NPHP4: variants seen among roughly 807,000 people sequenced by gnomAD.
The protein encoded by NPHP4 is nephrocystin 4.
Under a neutral mutation model 155.8 loss-of-function variants are expected in NPHP4, and 151 were observed. That is an observed-to-expected ratio of 0.97 (90% CI 0.85 to 1.11). NPHP4 has a LOEUF of 1.11. Among genes scored for constraint, NPHP4 ranks in the 50% least tolerant of loss-of-function variants. The pLI, the probability that NPHP4 is intolerant of heterozygous loss-of-function variation, is 0.00. For synonymous variants in NPHP4, 845 were observed against 816.8 expected (o/e 1.03, Z -0.59); for missense variants, 1,956 against 1,925.7 (o/e 1.02, Z -0.29).
rs771572927 is a variant in NPHP4 at position 5,890,950 on chromosome 1, T to C, written c.2222A>G (p.Tyr741Cys). 1.2e-6 allele frequency: 2 copies of C among 1,605,652 alleles called. No individual in the cohort carries two copies. The highest frequency in any genetic ancestry group is 1.3e-5 in the African/African-American group (1 of 74,808). Reference sequence around the variant, plus strand: ...AATCTGCAGGGTCTGCACGGCCAGGTAGCGGGCAAAGCAGCGCCGCTCACC... The same window carrying C: ...AATCTGCAGGGTCTGCACGGCCAGGCAGCGGGCAAAGCAGCGCCGCTCACC... ...KPGERRCFAR[Y>C]LAVQTLQIDV... The change falls in exon 17 of 30, where the codon TAC becomes TGC. Residue 741 changes from tyrosine to cysteine, a missense_variant. Transcript: ENST00000378156. The surrounding 1 kb of genome is among the most constrained non-coding windows in gnomAD (Gnocchi z 4.9).
chr1:5,906,686 G>A (rs1179319767), intron 13 of NPHP4, among the ~76,000 whole-genome samples: 1 of 152,254 alleles, frequency 6.6e-6, no homozygotes, highest in African/African-American at 2.4e-5. Context: ...GCCAGTCTTA[G>A]CCAGGAGCAC....
At chr1:5,979,053 C>T (rs1433871328) in intron 2 of NPHP4, among the ~76,000 whole-genome samples, 1 of 148,250 alleles carries the variant, frequency 6.7e-6, no homozygotes, top group African/African-American at 2.6e-5. Flanking sequence ...CTGCCCAGAG[C>T]GGCAGCCAGA....
At chr1:5,942,587 C>A (rs952122065) in intron 9 of NPHP4, among the ~76,000 whole-genome samples, 374 of 82,214 alleles carry the variant, frequency 4.5e-3, no homozygotes, top group Middle Eastern at 0.023. Context: ...TCATAAATGA[C>A]AAAAAAAAAA....
intron 9 of NPHP4, among the ~76,000 whole-genome samples, chr1:5,942,549 AAAG>A (rs1183334720): frequency 2.0e-5 from 3 of 148,130 alleles, no homozygotes; most frequent in African/African-American, 7.5e-5. Flanking sequence ...AAAAAAAAAA[AAAG>A]GAGACTAAAA....
In NPHP4 at chr1:5,944,630, A is replaced by C. The variant is rs1210679026; in HGVS notation, c.1119+2474T>G. Among the ~76,000 whole-genome samples, 1 of 152,216 alleles carries C rather than the reference A, an allele frequency of 6.6e-6. No homozygotes were observed. Among genetic ancestry groups the C allele is most frequent in the East Asian group, 1.9e-4 (1 of 5,198 alleles). On this transcript the variant is annotated intron_variant, in intron 9 of 29. Coordinates refer to ENST00000378156, the MANE Select transcript of NPHP4 (RefSeq NM_015102.5). The surrounding 1 kb of genome is among the most constrained non-coding windows in gnomAD (Gnocchi z 4.3). The stretch of plus-strand genomic sequence containing the variant: ...AGGAAAGCGCACTTGATGACAGTAA[A>C]GTGGAATCCAGTATTCCCAGTTACA...
intron 7 of NPHP4, among the ~76,000 whole-genome samples, chr1:5,949,635 C>A (rs928510896): frequency 2.0e-5 from 3 of 151,878 alleles, no homozygotes; most frequent in Non-Finnish European, 4.4e-5. Context: ...GGGAACAGCA[C>A]CCCCGCAGGA....
intron 2 of NPHP4, among the ~76,000 whole-genome samples, chr1:5,978,977 T>C (rs1654190368): frequency 6.6e-6 from 1 of 152,128 alleles, no homozygotes; most frequent in Admixed American, 6.5e-5. Context: ...AAGCAGATCT[T>C]TGAGAATTGA....
intron 4 of NPHP4, among the ~76,000 whole-genome samples, chr1:5,968,080 C>T (rs950200757): frequency 6.6e-6 from 1 of 151,952 alleles, no homozygotes; most frequent in Non-Finnish European, 1.5e-5. Flanking sequence ...GTGAAAAACA[C>T]ATCGCTCAAT....
At chr1:5,878,673 G>A (rs750028483) in intron 19 of NPHP4, among the ~76,000 whole-genome samples, 11 of 152,228 alleles carry the variant, frequency 7.2e-5, no homozygotes, top group Non-Finnish European at 8.8e-5. Flanking sequence ...GAGCAAAACA[G>A]GGTCTGGAGG....
At chr1:5,966,085 C>T (rs971413427) in intron 5 of NPHP4, among the ~76,000 whole-genome samples, 13 of 152,250 alleles carry the variant, frequency 8.5e-5, no homozygotes, top group East Asian at 3.9e-4. Context: ...CTGGAGGCTA[C>T]ACTTCCCAGC....
chr1:5,914,267 A>G (rs1057137951), intron 11 of NPHP4, among the ~76,000 whole-genome samples: 1 of 134,614 alleles, frequency 7.4e-6, no homozygotes, highest in African/African-American at 3.2e-5. Flanking sequence ...CAAAAAAAAA[A>G]AAAAAAAAAA....
At chr1:5,963,635 T>C (rs923412803) in intron 5 of NPHP4, among the ~76,000 whole-genome samples, 4 of 151,572 alleles carry the variant, frequency 2.6e-5, no homozygotes, top group South Asian at 2.1e-4. Context: ...TTCACGCACA[T>C]GCTCAGGGGA....
intron 7 of NPHP4, among the ~76,000 whole-genome samples, 154 bp downstream of exon 7, chr1:5,952,546 C>T (rs143687633): frequency 2.0e-5 from 3 of 151,022 alleles, no homozygotes; most frequent in Non-Finnish European, 3.0e-5. Flanking sequence ...GCATCAGATG[C>T]GGGGTCTCCC....
At position 5,862,994 on chromosome 1, in the gene NPHP4, G is replaced by A. The variant is rs1322760279; in HGVS notation, c.*271C>T. The A allele has an allele frequency of 1.9e-6, 1 of 516,844 alleles. No individual in the cohort carries two copies. The highest frequency in any genetic ancestry group is 3.3e-5 in the Admixed American group (1 of 30,296). The allele number at this position is 516,844 out of a possible 1,614,324, so 32.0% of individuals were successfully genotyped here. ...AACAGCGATAACGAGGGTCCCACAT[G>A]CGTAGATGGCAGCACCAGAGCCAGA... On this transcript the variant is annotated 3_prime_UTR_variant, in exon 30 of 30. Transcript: ENST00000378156.
At chr1:5,967,267 T>C (rs746919822) in intron 5 of NPHP4, 32 bp downstream of exon 5, 38 of 1,562,780 alleles carry the variant, frequency 2.4e-5, no homozygotes, top group Non-Finnish European at 3.1e-5. Context: ...ACGAGAGCAG[T>C]GAGTGCTGCC....
At chr1:5,904,971 C>T (rs930670190) in intron 15 of NPHP4, among the ~76,000 whole-genome samples, 167 bp from the exon 16 acceptor site, 6 of 152,164 alleles carry the variant, frequency 3.9e-5, no homozygotes, top group African/African-American at 1.4e-4. Flanking sequence ...CTCAGCAAGC[C>T]GGCCAGACAG....
chr1:5,964,621 T>G (rs1651002511), intron 5 of NPHP4, among the ~76,000 whole-genome samples: 1 of 152,078 alleles, frequency 6.6e-6, no homozygotes, highest in Admixed American at 6.6e-5. Context: ...TGCCTCCCAC[T>G]GTCCAGGGAG....
chr1:5,920,353 G>A (rs1004306622), intron 11 of NPHP4, among the ~76,000 whole-genome samples: 4 of 152,168 alleles, frequency 2.6e-5, no homozygotes, highest in African/African-American at 4.8e-5. Context: ...GAGCCACTGC[G>A]CCCAGCCGGG....
Position 5,910,717 on chromosome 1 carries a change from C to A in NPHP4, c.1442-1504G>T, listed in dbSNP as rs1645137957. On this transcript the variant is annotated intron_variant, in intron 11 of 29. Transcript: ENST00000378156. This position sits in a 1 kb window ranked among gnomAD's most constrained non-coding sequence, Gnocchi z 5.4. ...AAAATGCTGTCGACCAAGGAGAAAC[C>A]AAATCCAGAAAGTGCCGCCCTAACA... 1.3e-5 allele frequency among the ~76,000 whole-genome samples: 2 copies of A among 152,234 alleles called. No homozygotes were observed. Among genetic ancestry groups the A allele is most frequent in the Admixed American group, 1.3e-4 (2 of 15,286 alleles).
Sources: gnomAD v4.1 joint callset for allele counts (sites outside exome capture counted in the v4.1 genomes callset) on GRCh38, gnomAD v4.1.1 for gene constraint, Gnocchi (gnomAD v3.1) non-coding constraint, MANE v1.5 for transcripts, NCBI Gene and HGNC (gene_info 2026-07-23, HGNC 2026-07-21) for gene names.